NAA20: variants seen among roughly 807,000 people sequenced by gnomAD.
The protein encoded by NAA20 is N-alpha-acetyltransferase 20, NatB catalytic subunit.
NAA20 carries 24 observed loss-of-function variants against 23.8 expected under a neutral mutation model. That is an observed-to-expected ratio of 1.01 (90% CI 0.73 to 1.42). The LOEUF (loss-of-function observed/expected upper bound fraction) is 1.42, where lower values mean the gene tolerates loss of function less well. Among genes scored for constraint, NAA20 ranks in the 40% most tolerant of loss-of-function variants. NAA20 has a pLI of 0.00. For missense variants in NAA20, 166 were observed against 223.1 expected (o/e 0.74, Z 1.63); for synonymous variants, 83 against 77.7 (o/e 1.07, Z -0.36).
intron 2 of NAA20, among the ~76,000 whole-genome samples, chr20:20,022,923 C>A (rs1223737036): frequency 6.6e-6 from 1 of 152,186 alleles, no homozygotes; most frequent in East Asian, 1.9e-4. Flanking sequence ...TAACCTTGTT[C>A]CAGATGTTGC....
In NAA20 at chr20:20,019,710, G is replaced by C. The variant is rs373162497; in HGVS notation, c.53+2261G>C. 9.3e-4 allele frequency among the ~76,000 whole-genome samples: 141 copies of C among 152,160 alleles called. No individual in the cohort carries two copies. The South Asian group carries it at 0.011, about 12-fold the overall frequency. On this transcript the variant is annotated intron_variant, in intron 1 of 5. Transcript: ENST00000334982. ...GGCAATCCTCCTGCCTCAGCCTCCC[G>C]AGTAGTTGGGACTACAGGCACGTGC...
upstream of NAA20, chr20:20,017,301 G>T: frequency 6.5e-7 from 1 of 1,532,086 alleles, no homozygotes; most frequent in Non-Finnish European, 8.9e-7. Flanking sequence ...GCAGTACCCC[G>T]TCTCGCTCGG....
chr20:20,022,072 G>A (rs66828143), intron 1 of NAA20, among the ~76,000 whole-genome samples: 22,471 of 152,166 alleles, frequency 0.15, 3,286 homozygotes, highest in East Asian at 0.6. Context: ...AGACACAGGC[G>A]GGGAGGATCC....
chr20:20,020,508 C>T (rs1347983939), intron 1 of NAA20, among the ~76,000 whole-genome samples: 1 of 152,142 alleles, frequency 6.6e-6, no homozygotes, highest in Non-Finnish European at 1.5e-5. Flanking sequence ...AAGGGGATAA[C>T]AGCAGAGAGT....
intron 1 of NAA20, chr20:20,018,940 T>G (rs959029494): frequency 1.0e-6 from 1 of 985,316 alleles, no homozygotes; most frequent in South Asian, 4.7e-5. Context: ...AAAGACTTGG[T>G]GCCTGTGGTC....
intron 4 of NAA20, among the ~76,000 whole-genome samples, chr20:20,028,455 C>T (rs1459478060): frequency 6.6e-6 from 1 of 152,020 alleles, no homozygotes; most frequent in East Asian, 1.9e-4. Context: ...CCTGCACGTT[C>T]TGCACATGTA....
In NAA20 at chr20:20,032,578, T is replaced by C. The variant is rs542968047; in HGVS notation, c.376T>C (p.Leu126=). The C allele has an allele frequency of 3.5e-5, 56 of 1,613,724 alleles. No homozygotes were observed. The South Asian group carries it at 5.1e-4, about 15-fold the overall frequency. ...AGTTGCAGTTAACATGTACAAGCAG[T>C]TGGGCTACAGTGTATATAGGACGGT... The part of the protein sequence containing the change: ...NQVAVNMYKQ[L]GYSVYRTVIE... Residue 126 remains leucine, a synonymous_variant, in exon 5 of 6, where the codon TTG becomes CTG. Transcript: ENST00000334982.
intron 1 of NAA20, chr20:20,017,908 G>C: frequency 3.7e-6 from 6 of 1,604,842 alleles, no homozygotes; most frequent in Non-Finnish European, 5.1e-6. Context: ...GGGGGCTTGC[G>C]AGGATCGGAA....
At chr20:20,017,850 G>C in intron 1 of NAA20, 1 of 1,537,662 alleles carries the variant, frequency 6.5e-7, no homozygotes, top group East Asian at 2.3e-5. Context: ...TCGTGGCCGG[G>C]CCGCGCCTCT....
chr20:20,025,661 C>T lies in NAA20; in HGVS notation c.79-16C>T. 6.3e-7 allele frequency: 1 copy of T among 1,584,252 alleles called. No individual in the cohort carries two copies. Among genetic ancestry groups the T allele is most frequent in the South Asian group, 1.1e-5 (1 of 90,332 alleles). ...TTACTGTCCATTACTTTTCACACTCCTTAACAGGACTCTAGTATGGGATTC... is the reference window on the plus strand; with the variant it reads ...TTACTGTCCATTACTTTTCACACTCTTTAACAGGACTCTAGTATGGGATTC... On this transcript the variant is annotated splice_polypyrimidine_tract_variant and intron_variant, in intron 2 of 5. Transcript: ENST00000334982.
rs1476095845 is a variant in NAA20, at chr20:20,025,733, T to C, written c.135T>C (p.Val45=). ...YLAHWPEYFI[V]AEAPGGELMG... ...CCCACTGGCCAGAGTATTTCATTGT[T>C]GCAGAGGCACCTGGTGGAGAATTAA... The change falls in exon 3 of 6, where the codon GTT becomes GTC. Residue 45 remains valine (V), a synonymous_variant. Coordinates refer to ENST00000334982, the MANE Select transcript of NAA20 (RefSeq NM_016100.5). 1.2e-5 allele frequency: 20 copies of C among 1,611,250 alleles called. No homozygotes were observed. Among genetic ancestry groups the C allele is most frequent in the African/African-American group, 4.0e-5 (3 of 74,868 alleles).
At chr20:20,017,814 C>T (rs1487265799) in intron 1 of NAA20, 2 of 1,466,938 alleles carry the variant, frequency 1.4e-6, no homozygotes, top group Non-Finnish European at 1.8e-6. Flanking sequence ...ACCTGGGCTT[C>T]TCGCCCTGCC....
intron 2 of NAA20, among the ~76,000 whole-genome samples, chr20:20,023,312 CAAAA>C (rs377441191): frequency 8.6e-6 from 1 of 115,702 alleles, no homozygotes. Context: ...GACTCCGTCT[CAAAA>C]AAAAAAAAAA....
Position 20,033,360 on chromosome 20 carries a change from A to G in NAA20, c.*173A>G, listed in dbSNP as rs1217072827. On this transcript the variant is annotated 3_prime_UTR_variant, in exon 6 of 6. Transcript: ENST00000334982. ...AATCTCATTGTTTCCAGTTAGCAAT[A>G]TCATACCTATTAAAGCTGTTCATTG... 3.5e-6 allele frequency: 2 copies of G among 572,236 alleles called. No individual in the cohort carries two copies. The highest frequency in any genetic ancestry group is 6.3e-5 in the Admixed American group (2 of 31,966). The allele number at this position is 572,236 out of a possible 1,614,324, so 35.4% of individuals were successfully genotyped here. A position where few individuals can be genotyped will look rare whatever the true frequency, so the allele number is the denominator to read the frequency against.
At chr20:20,018,242 A>C in intron 1 of NAA20, 1 of 622,072 alleles carries the variant, frequency 1.6e-6, no homozygotes, top group Non-Finnish European at 2.8e-6. Context: ...TATTATGAAG[A>C]TTCCCACACA....
chr20:20,032,447 TC>T (rs1287188505), intron 4 of NAA20, 60 bp from the exon 5 acceptor site: 3 of 1,534,592 alleles, frequency 2.0e-6, no homozygotes, highest in Non-Finnish European at 2.7e-6. Flanking sequence ...AAAATATGTA[TC>T]TATTACTTTC....
chr20:20,024,090 G>A (rs200655938), intron 2 of NAA20, among the ~76,000 whole-genome samples: 1 of 152,240 alleles, frequency 6.6e-6, no homozygotes, highest in East Asian at 1.9e-4. Context: ...GTTCAGCAGG[G>A]ACTGTATGGC....
chr20:20,026,712 T>C (rs977725126), intron 3 of NAA20, 72 bp from the exon 4 acceptor site: 4 of 1,573,680 alleles, frequency 2.5e-6, no homozygotes, highest in East Asian at 2.3e-5. Context: ...AAAAACATAC[T>C]GAACAGTAAT....
chr20:20,025,526 T>G, intron 2 of NAA20, 151 bp from the exon 3 acceptor site: 1 of 623,922 alleles, frequency 1.6e-6, no homozygotes, highest in East Asian at 2.6e-5. Flanking sequence ...AACCTAAATA[T>G]TTCATGTAAT....
Sources: allele counts gnomAD v4.1 joint callset (sites outside exome capture counted in the v4.1 genomes callset), GRCh38; gene constraint gnomAD v4.1.1; transcripts MANE v1.5; gene names NCBI Gene and HGNC (gene_info 2026-07-23, HGNC 2026-07-21).